Variants in SYNE1 observed in about 807,000 individuals in gnomAD.
SYNE1 encodes nesprin-1.
SYNE1 carries 616 observed loss-of-function variants against 1,111.0 expected under a neutral mutation model. That is an observed-to-expected ratio of 0.55 (90% CI 0.52 to 0.59). The LOEUF is 0.59. Ranked by LOEUF, SYNE1 falls within the 20% of genes least tolerant of loss-of-function variation. The pLI is 0.00. For synonymous variants in SYNE1, 3,855 were observed against 3,825.8 expected (o/e 1.01, Z -0.28); for missense variants, 10,006 against 10,417.0 (o/e 0.96, Z 1.72).
At chr6:152,562,837 T>C (rs1047938819) in intron 3 of SYNE1, among the ~76,000 whole-genome samples, 1 of 152,190 alleles carries the variant, frequency 6.6e-6, no homozygotes, top group African/African-American at 2.4e-5. Context: ...ATCATCTAAA[T>C]TTTCACTATT....
At chr6:152,450,947 A>C in intron 26 of SYNE1, 100 bp downstream of exon 26, 1 of 1,593,792 alleles carries the variant, frequency 6.3e-7, no homozygotes. Flanking sequence ...TAGAGTAATT[A>C]AGCTATTATT....
chr6:152,280,995 C>G (rs561913276), intron 97 of SYNE1, among the ~76,000 whole-genome samples: 1 of 152,202 alleles, frequency 6.6e-6, no homozygotes, highest in East Asian at 1.9e-4. Context: ...ATGATTTTCA[C>G]ATATTTCCTC....
At chr6:152,199,694 C>T (rs1475108383) in intron 127 of SYNE1, among the ~76,000 whole-genome samples, 1 of 152,040 alleles carries the variant, frequency 6.6e-6, no homozygotes. Flanking sequence ...TGTGTCTTTA[C>T]ACGGTAGAAA....
intron 130 of SYNE1, among the ~76,000 whole-genome samples, chr6:152,171,601 C>G (rs2635470): frequency 0.44 from 66,496 of 152,006 alleles, 15,247 homozygotes; most frequent in East Asian, 0.61. Context: ...AAGAACCAAT[C>G]AGGAGCTGGC....
chr6:152,467,889 T>C (rs1564255728), intron 16 of SYNE1, among the ~76,000 whole-genome samples: 1 of 152,186 alleles, frequency 6.6e-6, no homozygotes, highest in Non-Finnish European at 1.5e-5. Context: ...GATTATTTTA[T>C]CTATTGAATC....
rs2080056232 is a variant in SYNE1, at chr6:152,221,013, C to T, written c.21690G>A (p.Gln7230=). The change falls in exon 119 of 146, where the codon CAG becomes CAA. Residue 7230 remains glutamine, a synonymous_variant. Transcript: ENST00000367255. ...WNNLLEEIAE[Q]LQSSKALLQL... is the part of the protein sequence containing the mutation. ...GAAGTAGGGCCTTGCTGGACTGTAG[C>T]TGCTCAGCAATCTCTTCCAGCAAGT... 6.2e-7 allele frequency: 1 copy of T among 1,614,156 alleles called. No homozygotes were observed.
intron 64 of SYNE1, among the ~76,000 whole-genome samples, chr6:152,359,684 C>T (rs76714521): frequency 6.6e-6 from 1 of 151,832 alleles, no homozygotes; most frequent in East Asian, 1.9e-4. Flanking sequence ...CTTTCTCTAA[C>T]ATATGAATTA....
intron 3 of SYNE1, among the ~76,000 whole-genome samples, chr6:152,605,559 G>A (rs1317268264): frequency 1.3e-5 from 2 of 152,062 alleles, no homozygotes; most frequent in African/African-American, 4.8e-5. Context: ...ATTGTAAAGC[G>A]ACCCTGCCAA....
chr6:152,483,370 A>C, intron 13 of SYNE1, 121 bp from the exon 14 acceptor site: 1 of 869,742 alleles, frequency 1.1e-6, no homozygotes, highest in East Asian at 2.5e-5. Context: ...GGCTAAGTTA[A>C]TAAATATCAA....
chr6:152,258,429 C>T (rs1039748076), intron 101 of SYNE1, among the ~76,000 whole-genome samples: 3 of 152,088 alleles, frequency 2.0e-5, no homozygotes, highest in African/African-American at 4.8e-5. Context: ...TATTATAATG[C>T]ATATATGTAG....
At chr6:152,128,122 G>C (rs1237660937) in intron 145 of SYNE1, 2 of 152,182 alleles carry the variant, frequency 1.3e-5, no homozygotes, top group Non-Finnish European at 2.9e-5. Flanking sequence ...TTTCAACTCA[G>C]TTGCAGTAGT....
chr6:152,122,950 A>G (rs1484180952), intron 145 of SYNE1, among the ~76,000 whole-genome samples: 3 of 152,242 alleles, frequency 2.0e-5, no homozygotes, highest in Admixed American at 2.0e-4. Flanking sequence ...AATGTGGTGA[A>G]ACATTTTCTA....
At chr6:152,438,087 T>C (rs2098491270) in intron 32 of SYNE1, among the ~76,000 whole-genome samples, 1 of 152,152 alleles carries the variant, frequency 6.6e-6, no homozygotes, top group Admixed American at 6.5e-5. Context: ...AATGAATAAG[T>C]ACAGCTTCCT....
chr6:152,441,638 T>C (rs529020716), intron 31 of SYNE1, among the ~76,000 whole-genome samples: 25 of 152,076 alleles, frequency 1.6e-4, no homozygotes, highest in Non-Finnish European at 2.9e-4. Flanking sequence ...GACAAGGAGA[T>C]GAAGAGAGAG....
At chr6:152,554,727 T>G (rs9383626) in intron 3 of SYNE1, among the ~76,000 whole-genome samples, 20,972 of 152,112 alleles carry the variant, frequency 0.14, 1,723 homozygotes, top group East Asian at 0.45. Flanking sequence ...CATATCATCA[T>G]CCACCCTTTG....
intron 76 of SYNE1, chr6:152,336,455 T>G: frequency 3.9e-6 from 1 of 254,120 alleles, no homozygotes; most frequent in Non-Finnish European, 7.7e-6. Context: ...TGGAGGGGGA[T>G]GGTTTCAGGA....
chr6:152,582,591 T>C, intron 3 of SYNE1, among the ~76,000 whole-genome samples: 1 of 151,566 alleles, frequency 6.6e-6, no homozygotes, highest in Non-Finnish European at 1.5e-5. Context: ...TATATAACTT[T>C]ATTTTATTTT....
intron 55 of SYNE1, among the ~76,000 whole-genome samples, chr6:152,384,611 C>T (rs1015712749): frequency 4.6e-5 from 7 of 152,198 alleles, no homozygotes; most frequent in Non-Finnish European, 8.8e-5. Flanking sequence ...CACCATGGCT[C>T]ATGCCTGTAA....
chr6:152,507,384 A>G (rs1315558914), intron 8 of SYNE1, among the ~76,000 whole-genome samples: 1 of 152,196 alleles, frequency 6.6e-6, no homozygotes, highest in Non-Finnish European at 1.5e-5. Flanking sequence ...ATGCTTTTCT[A>G]AATATTTACT....
Sources: gnomAD v4.1 joint callset for allele counts (sites outside exome capture counted in the v4.1 genomes callset) on GRCh38, gnomAD v4.1.1 for gene constraint, MANE v1.5 for transcripts, NCBI Gene and HGNC (gene_info 2026-07-23, HGNC 2026-07-21) for gene names.